The following DTNB variants were observed in gnomAD, a reference collection of about 807,000 sequenced individuals.
The protein encoded by DTNB is dystrobrevin beta, also known as DTN-B.
In DTNB, 63 loss-of-function variants were observed where a neutral mutation model predicts 90.7. The ratio of observed to expected loss-of-function variants is 0.69; its 90% CI spans 0.57 to 0.86. The LOEUF is 0.86. Ranked by LOEUF, DTNB falls within the 40% of genes least tolerant of loss-of-function variation. The pLI, the probability that DTNB is intolerant of heterozygous loss-of-function variation, is 0.00. For synonymous variants in DTNB, 277 were observed against 286.7 expected, an observed-to-expected ratio of 0.97 and a Z score of 0.34; for missense variants, 744 against 807.1, an observed-to-expected ratio of 0.92 and a Z score of 0.95.
intron 8 of DTNB, among the ~76,000 whole-genome samples, chr2:25,532,860 T>C (rs1022247461): frequency 8.5e-5 from 13 of 152,252 alleles, no homozygotes; most frequent in Non-Finnish European, 1.9e-4. Flanking sequence ...GACTTCTATA[T>C]GCTGCTTGTT....
At chr2:25,422,466 C>T (rs921020294) in intron 15 of DTNB, among the ~76,000 whole-genome samples, 8 of 129,370 alleles carry the variant, frequency 6.2e-5, no homozygotes, top group African/African-American at 2.1e-4. Context: ...AGTGCAATGG[C>T]GCGATCTCGG....
At chr2:25,634,026 G>C (rs982949677) in intron 3 of DTNB, among the ~76,000 whole-genome samples, 1 of 151,834 alleles carries the variant, frequency 6.6e-6, no homozygotes, top group African/African-American at 2.4e-5. Context: ...CAGCCACCCC[G>C]TCTGGGAAGT....
chr2:25,491,207 A>T (rs2067392815), intron 9 of DTNB, among the ~76,000 whole-genome samples: 1 of 151,796 alleles, frequency 6.6e-6, no homozygotes, highest in Admixed American at 6.6e-5. Flanking sequence ...AGGGGGAGGG[A>T]ACGAGGGAGG....
chr2:25,553,741 C>CAAAAAA (rs1184090329), intron 8 of DTNB, among the ~76,000 whole-genome samples: 4 of 39,036 alleles, frequency 1.0e-4, no homozygotes, highest in African/African-American at 3.8e-4. Context: ...AACTCCTTCT[C>CAAAAAA]AAAAAAAAAA....
chr2:25,569,108 C>A (rs1044982498), intron 8 of DTNB, among the ~76,000 whole-genome samples: 1 of 152,196 alleles, frequency 6.6e-6, no homozygotes, highest in African/African-American at 2.4e-5. Context: ...CATTCAGACA[C>A]AGGAGGGAAG....
intron 10 of DTNB, among the ~76,000 whole-genome samples, chr2:25,470,786 G>C (rs1205875539): frequency 6.6e-6 from 1 of 152,112 alleles, no homozygotes; most frequent in Non-Finnish European, 1.5e-5. Flanking sequence ...GCCTGACTGA[G>C]ACTCTCAGAT....
At chr2:25,645,466 G>A (rs1016459561) in intron 2 of DTNB, among the ~76,000 whole-genome samples, 1 of 151,254 alleles carries the variant, frequency 6.6e-6, no homozygotes, top group African/African-American at 2.4e-5. Context: ...TTTTTTAACA[G>A]GGTCTCACTC....
intron 16 of DTNB, among the ~76,000 whole-genome samples, chr2:25,388,805 C>CGT (rs112323714): frequency 0.031 from 4,599 of 149,188 alleles, 103 homozygotes; most frequent in African/African-American, 0.061. Flanking sequence ...AAAGGACATA[C>CGT]GTGTGTGTGT....
At chr2:25,578,789 C>A (rs1042826146) in intron 7 of DTNB, among the ~76,000 whole-genome samples, 2 of 152,006 alleles carry the variant, frequency 1.3e-5, no homozygotes, top group African/African-American at 2.4e-5. Context: ...TTAAAAAGTG[C>A]AACTTTTGCT....
intron 9 of DTNB, among the ~76,000 whole-genome samples, chr2:25,528,931 G>T (rs1174730750): frequency 2.6e-5 from 4 of 152,142 alleles, no homozygotes; most frequent in African/African-American, 7.2e-5. Context: ...TTCATGGAAT[G>T]AAAGCTTTAA....
chr2:25,565,622 T>A (rs984298040), intron 8 of DTNB, among the ~76,000 whole-genome samples: 4 of 150,096 alleles, frequency 2.7e-5, no homozygotes, highest in Middle Eastern at 3.4e-3. Flanking sequence ...ATTTTTTTTT[T>A]ATCGTGACAG....
chr2:25,451,678 C>T (rs2059311016), intron 11 of DTNB, 43 bp from the exon 12 acceptor site: 4 of 1,483,312 alleles, frequency 2.7e-6, no homozygotes, highest in South Asian at 2.7e-5. Flanking sequence ...ATTAAACATC[C>T]CTTATTCTTG....
At chr2:25,554,724 T>A (rs1347569610) in intron 8 of DTNB, among the ~76,000 whole-genome samples, 2 of 152,022 alleles carry the variant, frequency 1.3e-5, no homozygotes, top group African/African-American at 4.8e-5. Flanking sequence ...AATAACCACA[T>A]CAACATGGAG....
At chr2:25,650,823 C>T (rs1228752369) in intron 2 of DTNB, among the ~76,000 whole-genome samples, 5 of 151,956 alleles carry the variant, frequency 3.3e-5, no homozygotes, top group Admixed American at 6.6e-5. Context: ...TAGCCAGGCG[C>T]GGTGGCAGGC....
chr2:25,499,180 GC>G (rs1428599498), intron 9 of DTNB, among the ~76,000 whole-genome samples: 127 of 129,768 alleles, frequency 9.8e-4, no homozygotes, highest in Middle Eastern at 7.1e-3. Context: ...TCGTGTCATT[GC>G]AAAAAAAAAA....
At chr2:25,414,073 G>A (rs774170299) in intron 16 of DTNB, among the ~76,000 whole-genome samples, 1 of 152,176 alleles carries the variant, frequency 6.6e-6, no homozygotes, top group Non-Finnish European at 1.5e-5. Context: ...CTGCATAAAT[G>A]TCTTCTTTAG....
At chr2:25,587,754 T>C (rs905910303) in intron 6 of DTNB, among the ~76,000 whole-genome samples, 1 of 152,184 alleles carries the variant, frequency 6.6e-6, no homozygotes, top group African/African-American at 2.4e-5. Flanking sequence ...ATCTCACTTC[T>C]AGGTCTCTAC....
intron 6 of DTNB, among the ~76,000 whole-genome samples, chr2:25,583,262 A>AATAT (rs1359014707): frequency 4.1e-4 from 57 of 137,490 alleles, no homozygotes; most frequent in Non-Finnish European, 7.2e-4. Flanking sequence ...AAAAAAAAAA[A>AATAT]ATATATATAT....
At chr2:25,410,481 C>T (rs540256674) in intron 16 of DTNB, among the ~76,000 whole-genome samples, 101 of 152,270 alleles carry the variant, frequency 6.6e-4, no homozygotes, top group African/African-American at 2.4e-3. Flanking sequence ...TGGAAATGAA[C>T]CTTCTGGGTA....
Sources: allele counts gnomAD v4.1 joint callset (sites outside exome capture counted in the v4.1 genomes callset), GRCh38; gene constraint gnomAD v4.1.1; transcripts MANE v1.5; gene names NCBI Gene and HGNC (gene_info 2026-07-23, HGNC 2026-07-21).